The following SEPTIN2 variants were observed in gnomAD, a reference collection of about 807,000 sequenced individuals.
SEPTIN2 encodes septin-2.
SEPTIN2 carries 34 observed loss-of-function variants against 46.5 expected under a neutral mutation model. That is an observed-to-expected ratio of 0.73 (90% CI 0.56 to 0.97). SEPTIN2 has a LOEUF of 0.97. Ranked by LOEUF, SEPTIN2 falls within the 50% of genes least tolerant of loss-of-function variation. The pLI, the probability that SEPTIN2 is intolerant of heterozygous loss-of-function variation, is 0.00. For missense variants in SEPTIN2, 347 were observed against 448.4 expected (o/e 0.77, Z 2.04); for synonymous variants, 175 against 153.4 (o/e 1.14, Z -1.04).
intron 10 of SEPTIN2, 42 bp from the exon 11 acceptor site, chr2:241,348,092 A>G (rs750323348): frequency 5.3e-6 from 8 of 1,510,850 alleles, no homozygotes; most frequent in African/African-American, 4.2e-5. Flanking sequence ...GCAAATAACT[A>G]TTTGTTGCAG....
In SEPTIN2 at chr2:241,348,209, ATTGGTTGG is replaced by A. The variant is rs576569632; in HGVS notation, c.984+34_984+41del. The A allele has an allele frequency of 1.1e-5, 17 of 1,602,074 alleles. No individual in the cohort carries two copies. The highest frequency in any genetic ancestry group is 1.3e-5 in the African/African-American group (1 of 74,628). ...AAGCTGAGGTAAGTAGGAAAGTACT[ATTGGTTGG>A]TTGGTTGGTTGGTTGTTTTGTTTGT... On this transcript the variant is annotated intron_variant, in intron 11 of 12. Coordinates refer to ENST00000391971, the MANE Select transcript of SEPTIN2 (RefSeq NM_004404.5).
intron 7 of SEPTIN2, among the ~76,000 whole-genome samples, chr2:241,338,785 ATTAT>A (rs1194104640): frequency 3.6e-5 from 4 of 111,230 alleles, no homozygotes; most frequent in African/African-American, 1.1e-4. Context: ...TTATATTTAT[ATTAT>A]TTATATATAA....
At chr2:241,318,351 G>A (rs1215507106) in intron 1 of SEPTIN2, 1 of 152,116 alleles carries the variant, frequency 6.6e-6, no homozygotes, top group Non-Finnish European at 1.5e-5. Context: ...TAAGGTAAGT[G>A]CCTGCTCTTT....
chr2:241,325,986 T>A lies in SEPTIN2; in HGVS notation c.10-7T>A. The stretch of plus-strand genomic sequence containing the variant: ...TATTAGTTTGTTTGTTTTTTAATCT[T>A]ATTTAGCAACAGCCAACTCAGTTTA... On this transcript the variant is annotated splice_polypyrimidine_tract_variant and splice_region_variant and intron_variant, in intron 2 of 12. Coordinates refer to ENST00000391971, the MANE Select transcript of SEPTIN2 (RefSeq NM_004404.5). The A allele has an allele frequency of 6.2e-7, 1 of 1,610,510 alleles. No individual in the cohort carries two copies. The highest frequency in any genetic ancestry group is 8.5e-7 in the Non-Finnish European group (1 of 1,178,610).
At chr2:241,316,154 T>C (rs1336819050) in intron 1 of SEPTIN2, 172 bp downstream of exon 1, 1 of 218,646 alleles carries the variant, frequency 4.6e-6, no homozygotes, top group Non-Finnish European at 9.0e-6. Flanking sequence ...GCACTTATCG[T>C]GGGCTCCCCC....
At chr2:241,338,943 TA>T (rs1189025697) in intron 7 of SEPTIN2, among the ~76,000 whole-genome samples, 1 of 98,178 alleles carries the variant, frequency 1.0e-5, no homozygotes, top group African/African-American at 4.1e-5. Context: ...TTATTATATA[TA>T]TTATATATAT....
chr2:241,343,542 A>G (rs12619369), intron 8 of SEPTIN2, among the ~76,000 whole-genome samples: 1 of 152,114 alleles, frequency 6.6e-6, no homozygotes, highest in Non-Finnish European at 1.5e-5. Flanking sequence ...AAGCTTAGAA[A>G]TTTTATTGTA....
chr2:241,328,008 G>A (rs923704927), intron 3 of SEPTIN2, among the ~76,000 whole-genome samples: 26 of 152,100 alleles, frequency 1.7e-4, no homozygotes, highest in African/African-American at 5.3e-4. Flanking sequence ...AGCTGTCATC[G>A]TGCCACTGCG....
At chr2:241,344,022 T>C in intron 9 of SEPTIN2, 125 bp downstream of exon 9, 2 of 1,186,002 alleles carry the variant, frequency 1.7e-6, no homozygotes, top group Non-Finnish European at 2.4e-6. Context: ...TCAGTGTTTC[T>C]CACATCGCAG....
Position 241,350,200 on chromosome 2 carries a change from A to G in SEPTIN2, c.*26A>G. 1 of 1,572,334 alleles carries G rather than the reference A, an allele frequency of 6.4e-7. No homozygotes were observed. Among genetic ancestry groups the G allele is most frequent in the Non-Finnish European group, 8.7e-7 (1 of 1,154,464 alleles). ...GGTGATGTGCACATATCAAGAAGTC[A>G]GAGGTAGGCCCTGTTGTCCCTTAGC... is the stretch of plus-strand genomic sequence containing the variant. On this transcript the variant is annotated 3_prime_UTR_variant, in exon 12 of 13. Transcript: ENST00000391971.
intron 11 of SEPTIN2, 21 bp from the exon 12 acceptor site, chr2:241,350,049 TATA>T (rs1471322195): frequency 6.2e-7 from 1 of 1,607,562 alleles, no homozygotes; most frequent in African/African-American, 1.3e-5. Flanking sequence ...CTTGAAAACC[TATA>T]ATGTGTGTGT....
intron 1 of SEPTIN2, among the ~76,000 whole-genome samples, chr2:241,318,652 T>G (rs2076716176): frequency 6.6e-6 from 1 of 152,150 alleles, no homozygotes; most frequent in Admixed American, 6.5e-5. Context: ...TTAGCTACCT[T>G]ACTAAATTAT....
intron 7 of SEPTIN2, among the ~76,000 whole-genome samples, chr2:241,338,961 TA>T (rs1415179920): frequency 2.0e-5 from 2 of 101,088 alleles, no homozygotes; most frequent in East Asian, 5.0e-4. Flanking sequence ...ATATAATATA[TA>T]TTATAAATAT....
chr2:241,326,252 G>A lies in SEPTIN2; in HGVS notation c.130+139G>A, dbSNP rs1433994827. ...AACTTGAGAATTTGAACAAATATATGTGTATTCATTAGAAAATTTTTCTCA... is the reference window on the plus strand; with the variant it reads ...AACTTGAGAATTTGAACAAATATATATGTATTCATTAGAAAATTTTTCTCA... On this transcript the variant is annotated intron_variant, in intron 3 of 12. Transcript: ENST00000391971. 13 of 704,988 alleles carry A rather than the reference G, an allele frequency of 1.8e-5. No homozygotes were observed. In the East Asian group the frequency reaches 4.2e-4, roughly 23 times the overall value. The allele number at this position is 704,988 out of a possible 1,614,324, so 43.7% of individuals were successfully genotyped here. A position where few individuals can be genotyped will look rare whatever the true frequency, so the allele number is the denominator to read the frequency against.
At chr2:241,321,733 A>T (rs563448096) in intron 1 of SEPTIN2, among the ~76,000 whole-genome samples, 1 of 151,334 alleles carries the variant, frequency 6.6e-6, no homozygotes, top group Non-Finnish European at 1.5e-5. Context: ...TTCCTTTTCC[A>T]TATTTTTGCT....
At chr2:241,334,452 C>G (rs929023527) in intron 3 of SEPTIN2, among the ~76,000 whole-genome samples, 15 of 152,188 alleles carry the variant, frequency 9.9e-5, no homozygotes, top group African/African-American at 3.6e-4. Context: ...AAGAGAGATT[C>G]TCACCTCATT....
chr2:241,319,795 T>C (rs1179813815), intron 1 of SEPTIN2, among the ~76,000 whole-genome samples: 1 of 152,156 alleles, frequency 6.6e-6, no homozygotes, highest in Non-Finnish European at 1.5e-5. Context: ...TGTTTCACCA[T>C]GTTGTCCAGA....
rs112164214 is a variant in SEPTIN2, at chr2:241,326,126, T to C, written c.130+13T>C. 6.2e-6 allele frequency: 10 copies of C among 1,609,866 alleles called. No individual in the cohort carries two copies. The African/African-American group carries it at 6.7e-5, about 11-fold the overall frequency. On this transcript the variant is annotated intron_variant, in intron 3 of 12. Coordinates refer to ENST00000391971, the MANE Select transcript of SEPTIN2 (RefSeq NM_004404.5). The stretch of plus-strand genomic sequence containing the variant: ...CTGATGGTGGTCGGTAAGAAATTAA[T>C]CTATAGTCTCCAACTTACTAAATAA...
intron 7 of SEPTIN2, among the ~76,000 whole-genome samples, chr2:241,338,928 T>C (rs1315616607): frequency 1.0e-5 from 1 of 99,094 alleles, no homozygotes; most frequent in African/African-American, 4.1e-5. Flanking sequence ...TAATTGTACA[T>C]ATATTTATTA....
Sources: allele counts gnomAD v4.1 joint callset (sites outside exome capture counted in the v4.1 genomes callset), GRCh38; gene constraint gnomAD v4.1.1; transcripts MANE v1.5; gene names NCBI Gene and HGNC (gene_info 2026-07-23, HGNC 2026-07-21).